OR2L13: variants seen among roughly 807,000 people sequenced by gnomAD.
OR2L13 encodes the protein olfactory receptor 2L13.
In OR2L13, 14 loss-of-function variants were observed where a neutral mutation model predicts 15.3. That is an observed-to-expected ratio of 0.91 (90% CI 0.60 to 1.43). The LOEUF is 1.43. Ranked by LOEUF, OR2L13 falls within the 40% of genes most tolerant of loss-of-function variation. The probability of loss-of-function intolerance (pLI) is 0.00; values close to 1 mark genes in which losing one functional copy is unlikely to be tolerated. For missense variants in OR2L13, 367 were observed against 387.9 expected (o/e 0.95, Z 0.45); for synonymous variants, 152 against 142.9 (o/e 1.06, Z -0.45).
At chr1:247,956,325 C>T in the OR2L13 span, among the ~76,000 whole-genome samples, 26 of 151,774 alleles carry the variant, frequency 1.7e-4, no homozygotes, top group East Asian at 5.1e-3. Flanking sequence ...GTACCAGTAC[C>T]ATGCTGTTTT....
chr1:248,086,717 T>G, the OR2L13 span, among the ~76,000 whole-genome samples: 2 of 152,068 alleles, frequency 1.3e-5, no homozygotes, highest in African/African-American at 4.8e-5. Context: ...TGCTGATAAA[T>G]ATTTCTTCTT....
chr1:248,050,671 G>C, the OR2L13 span, among the ~76,000 whole-genome samples: 1 of 152,202 alleles, frequency 6.6e-6, no homozygotes, highest in South Asian at 2.1e-4. Flanking sequence ...GTCATAGAGA[G>C]TCCTATGTAA....
chr1:248,068,435 G>A, the OR2L13 span, among the ~76,000 whole-genome samples: 32 of 152,208 alleles, frequency 2.1e-4, no homozygotes, highest in Admixed American at 2.1e-3. Flanking sequence ...GCAGCTGAGG[G>A]TCCTGTCTGT....
At chr1:247,967,695 T>G in the OR2L13 span, among the ~76,000 whole-genome samples, 48 of 152,234 alleles carry the variant, frequency 3.2e-4, no homozygotes, top group African/African-American at 1.0e-3. Context: ...TCCTCCCCCC[T>G]TACTTCATTG....
At chr1:248,096,407 G>C (rs1478529228), upstream of OR2L13, among the ~76,000 whole-genome samples, 7 of 151,400 alleles carry the variant, frequency 4.6e-5, no homozygotes, top group Non-Finnish European at 1.0e-4. Context: ...TGAAAACCAA[G>C]AGTGAACTAA....
the OR2L13 span, among the ~76,000 whole-genome samples, chr1:247,961,046 A>G: frequency 7.9e-5 from 12 of 152,210 alleles, no homozygotes; most frequent in Non-Finnish European, 1.2e-4. Context: ...TGGGAGCTGT[A>G]GACTAGAGCT....
chr1:247,975,995 A>G, the OR2L13 span, among the ~76,000 whole-genome samples: 141,295 of 152,112 alleles, frequency 0.93, 66,465 homozygotes, highest in East Asian at 1. Flanking sequence ...ATTAAGACAA[A>G]AATAATAAAT....
At chr1:247,940,300 G>A in the OR2L13 span, among the ~76,000 whole-genome samples, 12 of 151,998 alleles carry the variant, frequency 7.9e-5, no homozygotes, top group African/African-American at 2.4e-4. Flanking sequence ...TATCCTAAAA[G>A]TTATTGCAAA....
the OR2L13 span, among the ~76,000 whole-genome samples, chr1:248,088,963 A>G: frequency 6.6e-6 from 1 of 152,054 alleles, no homozygotes; most frequent in Non-Finnish European, 1.5e-5. Context: ...TAGGTGTCTT[A>G]CTATTCAATT....
the OR2L13 span, among the ~76,000 whole-genome samples, chr1:248,006,820 C>A: frequency 6.6e-6 from 1 of 152,102 alleles, no homozygotes; most frequent in South Asian, 2.1e-4. Context: ...ATACAAGCTA[C>A]CATCTATGAA....
the OR2L13 span, among the ~76,000 whole-genome samples, chr1:247,947,930 A>C: frequency 2.6e-4 from 39 of 152,316 alleles, no homozygotes; most frequent in African/African-American, 8.7e-4. Flanking sequence ...GACAGAATAA[A>C]CATGGGTTGG....
chr1:248,083,629 T>G, the OR2L13 span: 4 of 1,402,706 alleles, frequency 2.9e-6, no homozygotes, highest in South Asian at 3.5e-5. Context: ...CATTTGACAC[T>G]AGATCATCTT....
the OR2L13 span, among the ~76,000 whole-genome samples, chr1:248,024,486 A>G: frequency 1.3e-5 from 2 of 152,206 alleles, no homozygotes; most frequent in African/African-American, 2.4e-5. Flanking sequence ...TACACTGTGT[A>G]TCCATTAAAA....
At chr1:248,099,714 C>G in exon 3 of OR2L13, 1 of 1,614,126 alleles carries the variant, frequency 6.2e-7, no homozygotes, top group Non-Finnish European at 8.5e-7. Context: ...AAGGCTTACT[C>G]CTGACCTCCA....
chr1:248,049,446 C>T, the OR2L13 span, among the ~76,000 whole-genome samples: 5 of 152,164 alleles, frequency 3.3e-5, no homozygotes, highest in African/African-American at 4.8e-5. Context: ...ACTTGATTTA[C>T]AGAGGAGATT....
At chr1:247,998,430 G>GTGTTT in the OR2L13 span, among the ~76,000 whole-genome samples, 7 of 151,992 alleles carry the variant, frequency 4.6e-5, no homozygotes, top group African/African-American at 1.4e-4. Flanking sequence ...TACTTGGTTG[G>GTGTTT]TGTTTTGTTT....
At chr1:247,951,541 T>A in the OR2L13 span, among the ~76,000 whole-genome samples, 115 of 152,248 alleles carry the variant, frequency 7.6e-4, no homozygotes, top group Non-Finnish European at 1.4e-3. Context: ...GAAATGCTCT[T>A]TAACATCATT....
the OR2L13 span, chr1:248,061,224 A>T: frequency 6.2e-7 from 1 of 1,611,306 alleles, no homozygotes; most frequent in African/African-American, 1.4e-5. Context: ...GTGATGTCCC[A>T]GCAATGGTGA....
the OR2L13 span, chr1:248,042,391 A>G: frequency 1.3e-5 from 2 of 151,284 alleles, no homozygotes; most frequent in Non-Finnish European, 2.9e-5. Context: ...GCATTGGGAG[A>G]TATACCTAAT....
Sources: gnomAD v4.1 joint callset for allele counts (sites outside exome capture counted in the v4.1 genomes callset) on GRCh38, gnomAD v4.1.1 for gene constraint, MANE v1.5 for transcripts, NCBI Gene and HGNC (gene_info 2026-07-23, HGNC 2026-07-21) for gene names.